The following CDH23 variants were observed in gnomAD, a reference collection of about 807,000 sequenced individuals.
The protein encoded by CDH23 is cadherin related 23.
In CDH23, 189 loss-of-function variants were observed where a neutral mutation model predicts 317.1. The ratio of observed to expected loss-of-function variants is 0.60; its 90% confidence interval spans 0.53 to 0.67. CDH23 has a LOEUF of 0.67. Among genes scored for constraint, CDH23 ranks in the 30% least tolerant of loss-of-function variants. CDH23 has a pLI of 0.00. For synonymous variants in CDH23, 1,839 were observed against 1,876.8 expected (o/e 0.98, Z 0.52); for missense variants, 4,401 against 4,592.4 (o/e 0.96, Z 1.20).
At chr10:71,683,257 C>G (rs1864729300) in intron 18 of CDH23, among the ~76,000 whole-genome samples, 1 of 152,238 alleles carries the variant, frequency 6.6e-6, no homozygotes, top group South Asian at 2.1e-4. Context: ...GCCCCCTCCC[C>G]ATCTGTGGGA....
intron 2 of CDH23, among the ~76,000 whole-genome samples, chr10:71,442,852 AC>A (rs940950628): frequency 2.6e-5 from 4 of 151,962 alleles, no homozygotes; most frequent in African/African-American, 9.7e-5. Context: ...CGCTGCAGTC[AC>A]CTCAATGGTG....
chr10:71,456,717 T>A (rs1321425713), intron 3 of CDH23, among the ~76,000 whole-genome samples: 1 of 152,236 alleles, frequency 6.6e-6, no homozygotes, highest in Non-Finnish European at 1.5e-5. Flanking sequence ...TAGCTTTTAT[T>A]ACATACTTAA....
At chr10:71,456,923 T>G (rs948428431) in intron 3 of CDH23, among the ~76,000 whole-genome samples, 1 of 152,212 alleles carries the variant, frequency 6.6e-6, no homozygotes, top group Admixed American at 6.5e-5. Flanking sequence ...CCTGTGCACT[T>G]AACCACAAGT....
At chr10:71,616,281 T>G (rs1861186297) in intron 10 of CDH23, among the ~76,000 whole-genome samples, 1 of 152,238 alleles carries the variant, frequency 6.6e-6, no homozygotes, top group Non-Finnish European at 1.5e-5. Context: ...GCCCAAAGAC[T>G]GAGGCCAGGG....
At chr10:71,597,891 A>G (rs1429220837) in intron 9 of CDH23, among the ~76,000 whole-genome samples, 1 of 152,102 alleles carries the variant, frequency 6.6e-6, no homozygotes, top group Non-Finnish European at 1.5e-5. Flanking sequence ...TGTTGTATCC[A>G]TGATCCCGCC....
rs562787114 is a variant in CDH23 at position 71,658,863 on chromosome 10, A to T, written c.1449+12246A>T. ...AGCTGGGCTCCAGCCTTTTGGAGTC[A>T]GCTGTCTCCAAAGTCCAGGGAAAGT... On this transcript the variant is annotated intron_variant, in intron 14 of 69. Coordinates refer to ENST00000224721, the MANE Select transcript of CDH23 (RefSeq NM_022124.6). Among the ~76,000 whole-genome samples the T allele has an allele frequency of 2.0e-5, 3 of 152,310 alleles. No homozygotes were observed. The South Asian group carries it at 6.2e-4, about 32-fold the overall frequency.
intron 1 of CDH23, among the ~76,000 whole-genome samples, chr10:71,436,180 C>T (rs951882099): frequency 4.6e-5 from 7 of 152,248 alleles, no homozygotes; most frequent in African/African-American, 1.7e-4. Flanking sequence ...GCTTTGGAGG[C>T]AGTCCCTGCC....
chr10:71,667,726 A>C (rs1863974602), intron 14 of CDH23, among the ~76,000 whole-genome samples: 1 of 152,124 alleles, frequency 6.6e-6, no homozygotes, highest in African/African-American at 2.4e-5. Flanking sequence ...TTGCAAAGAA[A>C]GCCTGGGTAA....
chr10:71,722,734 A>G (rs1273789320), intron 28 of CDH23, among the ~76,000 whole-genome samples: 1 of 152,188 alleles, frequency 6.6e-6, no homozygotes, highest in African/African-American at 2.4e-5. Flanking sequence ...CCTGAAGGAG[A>G]TGAGGGCATG....
At chr10:71,775,436 T>C (rs1476590970) in intron 38 of CDH23, among the ~76,000 whole-genome samples, 1 of 151,994 alleles carries the variant, frequency 6.6e-6, no homozygotes, top group Non-Finnish European at 1.5e-5. Context: ...CTGGGCCCAG[T>C]TCCCTCCCCC....
At position 71,815,192 on chromosome 10, in the gene CDH23, G is replaced by A. The variant is rs200733236; in HGVS notation, c.9979G>A (p.Ala3327Thr). 1.7e-4 allele frequency: 279 copies of A among 1,608,550 alleles called. 1 individual carries two copies. The highest frequency in any genetic ancestry group is 2.1e-4 in the Non-Finnish European group (249 of 1,176,480). ...CGAGGCCACTGCCTTCGAGCGCAAC[G>A]CCCGCACAGAATCCGCCAAATCCAC... ...AAEATAFERN[A>T]RTESAKSTPL... The change falls in exon 70 of 70, where the codon GCC (alanine) becomes ACC (threonine). Residue 3327 changes from alanine to threonine, a missense_variant. Transcript: ENST00000224721.
chr10:71,681,470 C>T (rs1243238099), intron 17 of CDH23, among the ~76,000 whole-genome samples: 1 of 152,210 alleles, frequency 6.6e-6, no homozygotes, highest in Non-Finnish European at 1.5e-5. Context: ...CAGCCTGGGT[C>T]TGCCTTTGGC....
intron 14 of CDH23, among the ~76,000 whole-genome samples, chr10:71,654,719 C>T (rs1863339297): frequency 6.6e-6 from 1 of 152,136 alleles, no homozygotes; most frequent in South Asian, 2.1e-4. Context: ...GACTGTGGCC[C>T]AAGCACCCAC....
chr10:71,611,282 G>A (rs865792374), intron 9 of CDH23, among the ~76,000 whole-genome samples: 149 of 152,310 alleles, frequency 9.8e-4, no homozygotes, highest in African/African-American at 3.3e-3. Context: ...CTGAATGAGG[G>A]GGGAGCAGAG....
intron 38 of CDH23, chr10:71,760,732 G>A: frequency 2.6e-6 from 2 of 773,120 alleles, no homozygotes; most frequent in Admixed American, 1.9e-5. Context: ...GGGATGTGCA[G>A]CAGCAGAAAA....
chr10:71,628,035 C>T (rs1313650771), intron 11 of CDH23, among the ~76,000 whole-genome samples: 1 of 152,190 alleles, frequency 6.6e-6, no homozygotes, highest in African/African-American at 2.4e-5. Flanking sequence ...CCATTGGCCA[C>T]CCCACCTCAT....
At chr10:71,808,868 T>C (rs1841824291) in intron 60 of CDH23, among the ~76,000 whole-genome samples, 1 of 152,180 alleles carries the variant, frequency 6.6e-6, no homozygotes, top group African/African-American at 2.4e-5. Flanking sequence ...CCCTCTGCCT[T>C]CATTGCCTGG....
chr10:71,437,151 C>G (rs778973547), intron 1 of CDH23, among the ~76,000 whole-genome samples: 1 of 152,208 alleles, frequency 6.6e-6, no homozygotes, highest in Non-Finnish European at 1.5e-5. Context: ...CATAGGCCCT[C>G]TCATATACTG....
chr10:71,419,908 T>C (rs903678763), intron 1 of CDH23, among the ~76,000 whole-genome samples: 3 of 152,120 alleles, frequency 2.0e-5, no homozygotes, highest in Admixed American at 2.0e-4. Context: ...GGGGTTTCAC[T>C]TGGGGCACCT....
Sources: gnomAD v4.1 joint callset for allele counts (sites outside exome capture counted in the v4.1 genomes callset) on GRCh38, gnomAD v4.1.1 for gene constraint, MANE v1.5 for transcripts, NCBI Gene and HGNC (gene_info 2026-07-23, HGNC 2026-07-21) for gene names.